SLC35F1: variants seen among roughly 807,000 people sequenced by gnomAD.
The protein encoded by SLC35F1 is chromosome 6 open reading frame 169.
Under a neutral mutation model 48.7 loss-of-function variants are expected in SLC35F1, and 14 were observed. The observed-to-expected ratio is 0.29, with a 90% CI of 0.19 to 0.45. The LOEUF (loss-of-function observed/expected upper bound fraction) is 0.45. Among genes scored for constraint, SLC35F1 ranks in the 20% least tolerant of loss-of-function variants. The pLI is 1.00. For synonymous variants in SLC35F1, 190 were observed against 202.2 expected (o/e 0.94, Z 0.51); for missense variants, 404 against 500.0 (o/e 0.81, Z 1.83).
intron 2 of SLC35F1, among the ~76,000 whole-genome samples, chr6:118,199,766 T>C (rs1774849580): frequency 6.6e-6 from 1 of 152,204 alleles, no homozygotes; most frequent in African/African-American, 2.4e-5. Flanking sequence ...TGCATTACTG[T>C]GAGTTTTCTA....
chr6:117,955,354 C>G (rs1776414914), intron 1 of SLC35F1, among the ~76,000 whole-genome samples: 2 of 152,198 alleles, frequency 1.3e-5, no homozygotes, highest in Admixed American at 6.5e-5. Context: ...AAACTTGGAA[C>G]CTATTGTTCA....
chr6:118,256,736 A>G (rs1775651215), intron 3 of SLC35F1, among the ~76,000 whole-genome samples: 1 of 152,222 alleles, frequency 6.6e-6, no homozygotes, highest in South Asian at 2.1e-4. Context: ...TTTTGAAAGA[A>G]GTACAGATGC....
intron 1 of SLC35F1, among the ~76,000 whole-genome samples, chr6:118,071,064 G>GTGTATGTATACACATATATACATAGAA (rs71272362): frequency 2.7e-4 from 1 of 3,730 alleles, no homozygotes; most frequent in Non-Finnish European, 4.4e-4. Context: ...TATATTCTAC[G>GTGTATGTATACACATATATACATAGAA]TATATATACT....
intron 7 of SLC35F1, among the ~76,000 whole-genome samples, chr6:118,298,254 C>T (rs1267810682): frequency 2.6e-5 from 4 of 152,096 alleles, no homozygotes; most frequent in African/African-American, 4.8e-5. Context: ...TTTTCAATAT[C>T]GTGAGTCACT....
chr6:118,179,178 G>C (rs1774536095), intron 2 of SLC35F1, among the ~76,000 whole-genome samples: 1 of 152,046 alleles, frequency 6.6e-6, no homozygotes, highest in African/African-American at 2.4e-5. Context: ...GAACCAATAA[G>C]AGACCATATA....
intron 1 of SLC35F1, among the ~76,000 whole-genome samples, chr6:118,073,012 C>T (rs557379833): frequency 1.3e-5 from 2 of 152,300 alleles, no homozygotes; most frequent in South Asian, 4.1e-4. Context: ...ACTCCCCATA[C>T]AATTTCTGTT....
intron 2 of SLC35F1, among the ~76,000 whole-genome samples, chr6:118,234,977 C>T (rs1775344049): frequency 6.6e-6 from 1 of 152,174 alleles, no homozygotes; most frequent in Non-Finnish European, 1.5e-5. Context: ...GATGCCCCAA[C>T]TTGCTGTCTC....
chr6:118,025,192 C>T (rs1171506805), intron 1 of SLC35F1, among the ~76,000 whole-genome samples: 1 of 152,152 alleles, frequency 6.6e-6, no homozygotes, highest in Admixed American at 6.5e-5. Flanking sequence ...TGTATATCTC[C>T]TTAGGCCCCT....
intron 1 of SLC35F1, among the ~76,000 whole-genome samples, chr6:117,910,907 G>T (rs773975347): frequency 1.4e-4 from 21 of 152,294 alleles, no homozygotes; most frequent in Non-Finnish European, 2.5e-4. Context: ...AGAGAGAATT[G>T]CTCATCAATA....
At chr6:118,000,280 C>A (rs898188481) in intron 1 of SLC35F1, among the ~76,000 whole-genome samples, 3 of 152,084 alleles carry the variant, frequency 2.0e-5, no homozygotes, top group African/African-American at 7.2e-5. Context: ...CCCTGTGATG[C>A]AAGGCTGGTT....
chr6:118,283,546 A>G (rs1428671553), intron 6 of SLC35F1, among the ~76,000 whole-genome samples: 3 of 152,224 alleles, frequency 2.0e-5, no homozygotes. Flanking sequence ...TTTCTAACCC[A>G]GTCATGGTAT....
chr6:118,135,033 CAAG>C (rs1773773403), intron 1 of SLC35F1, among the ~76,000 whole-genome samples: 2 of 152,284 alleles, frequency 1.3e-5, no homozygotes, highest in Admixed American at 1.3e-4. Context: ...AAACAGAATT[CAAG>C]AACAAGGACG....
intron 2 of SLC35F1, among the ~76,000 whole-genome samples, chr6:118,177,964 C>T (rs934017938): frequency 1.3e-5 from 2 of 152,022 alleles, no homozygotes; most frequent in African/African-American, 4.8e-5. Context: ...GTGCTACCTG[C>T]CGTGGTAGTA....
intron 1 of SLC35F1, among the ~76,000 whole-genome samples, chr6:118,069,531 T>C (rs968230774): frequency 6.6e-5 from 10 of 152,170 alleles, no homozygotes; most frequent in African/African-American, 2.4e-4. Flanking sequence ...CCTAGGCTGG[T>C]AAGAGTTATT....
At chr6:117,960,494 T>C (rs1310978368) in intron 1 of SLC35F1, among the ~76,000 whole-genome samples, 1 of 152,058 alleles carries the variant, frequency 6.6e-6, no homozygotes, top group Non-Finnish European at 1.5e-5. Flanking sequence ...TTTAGCAAGT[T>C]ACTATGTATT....
intron 1 of SLC35F1, among the ~76,000 whole-genome samples, chr6:118,076,630 G>A (rs1178829436): frequency 2.0e-5 from 3 of 152,186 alleles, no homozygotes; most frequent in Admixed American, 1.3e-4. Flanking sequence ...CTATGATTCA[G>A]TCACCTCCCA....
chr6:118,112,774 C>T (rs111862156), intron 1 of SLC35F1, among the ~76,000 whole-genome samples: 5,009 of 151,944 alleles, frequency 0.033, 132 homozygotes, highest in African/African-American at 0.069. Context: ...TGCTTAAAAC[C>T]GAAGAAGCCA....
chr6:118,110,956 T>A (rs1773390866), intron 1 of SLC35F1, among the ~76,000 whole-genome samples: 1 of 152,080 alleles, frequency 6.6e-6, no homozygotes, highest in African/African-American at 2.4e-5. Context: ...CCCAGGTGAT[T>A]AGACTTTGGT....
At chr6:118,303,986 C>CAAA in intron 7 of SLC35F1, among the ~76,000 whole-genome samples, 1 of 152,180 alleles carries the variant, frequency 6.6e-6, no homozygotes, top group South Asian at 2.1e-4. Flanking sequence ...AGCACATCTG[C>CAAA]AAACACTCTT....
Sources: allele counts gnomAD v4.1 joint callset (sites outside exome capture counted in the v4.1 genomes callset), GRCh38; gene constraint gnomAD v4.1.1; transcripts MANE v1.5; gene names NCBI Gene and HGNC (gene_info 2026-07-23, HGNC 2026-07-21).